Variants in RBFOX1 observed in about 807,000 individuals in gnomAD.
The protein encoded by RBFOX1 is RNA binding fox-1 homolog 1.
In RBFOX1, 8 loss-of-function variants were observed where a neutral mutation model predicts 57.7. The ratio of observed to expected loss-of-function variants is 0.14; its 90% CI spans 0.08 to 0.25. The LOEUF (loss-of-function observed/expected upper bound fraction) is 0.25. Among genes scored for constraint, RBFOX1 ranks in the 10% least tolerant of loss-of-function variants. RBFOX1 has a pLI of 1.00. For missense variants in RBFOX1, 611 were observed against 548.5 expected (o/e 1.11, Z -1.14); for synonymous variants, 326 against 222.4 (o/e 1.47, Z -4.15).
At chr16:7,377,012 C>T (rs902286102) in intron 4 of RBFOX1, among the ~76,000 whole-genome samples, 3 of 152,108 alleles carry the variant, frequency 2.0e-5, no homozygotes, top group African/African-American at 7.2e-5. Context: ...GCAGTGATTT[C>T]CATAGGTCCC....
rs536455531 is a variant in RBFOX1 at position 6,829,542 on chromosome 16, C to A, written c.-16+174892C>A. Among the ~76,000 whole-genome samples, 5 of 150,192 alleles carry A rather than the reference C, an allele frequency of 3.3e-5. No homozygotes were observed. In the South Asian group the frequency reaches 6.4e-4, roughly 19 times the overall value. On this transcript the variant is annotated intron_variant, in intron 3 of 15. Coordinates refer to ENST00000550418, the MANE Select transcript of RBFOX1 (RefSeq NM_018723.4). ...GTACTTAGTATGACAAAATAAGTACCATTAGTTAAACAAAAACAGGTATTT... is the reference window on the plus strand; with the variant it reads ...GTACTTAGTATGACAAAATAAGTACAATTAGTTAAACAAAAACAGGTATTT...
intron 1 of RBFOX1, among the ~76,000 whole-genome samples, chr16:5,323,898 A>T (rs1401118411): frequency 6.6e-6 from 1 of 152,226 alleles, no homozygotes. Flanking sequence ...ACAATGGGAA[A>T]TCCCTTAATT....
intron 4 of RBFOX1, among the ~76,000 whole-genome samples, chr16:7,280,945 TTCCCTACCTACC>T (rs1348520621): frequency 6.4e-4 from 84 of 130,286 alleles, no homozygotes; most frequent in African/African-American, 1.9e-3. Flanking sequence ...TTGCATGTGA[TTCCCTACCTACC>T]TCCCTCCCTC....
intron 3 of RBFOX1, among the ~76,000 whole-genome samples, chr16:5,864,369 A>T (rs1040983195): frequency 6.6e-6 from 1 of 152,214 alleles, no homozygotes; most frequent in Non-Finnish European, 1.5e-5. Context: ...ATCTTAAACA[A>T]TTCAGGAAAA....
At chr16:6,283,528 T>C (rs554248479) in intron 1 of RBFOX1, among the ~76,000 whole-genome samples, 1 of 152,264 alleles carries the variant, frequency 6.6e-6, no homozygotes, top group East Asian at 1.9e-4. Flanking sequence ...TCACGTAGTA[T>C]ACATAGGTAT....
Position 6,465,065 on chromosome 16 carries a change from A to G in RBFOX1, c.-64+148008A>G, listed in dbSNP as rs898122064. Among the ~76,000 whole-genome samples, 4 of 152,346 alleles carry G rather than the reference A, an allele frequency of 2.6e-5. No homozygotes were observed. In the South Asian group the frequency reaches 6.2e-4, roughly 24 times the overall value. ...ATCGTGAATTGTCCACACAGTATAT[A>G]TAAGCCCTGAAGCCCTGGACACAAA... On this transcript the variant is annotated intron_variant, in intron 2 of 15. Transcript: ENST00000550418.
chr16:7,005,568 C>T (rs1358231227), intron 3 of RBFOX1, among the ~76,000 whole-genome samples: 1 of 152,126 alleles, frequency 6.6e-6, no homozygotes, highest in Admixed American at 6.5e-5. Flanking sequence ...AAAAGCAGCT[C>T]CTGAAAGATC....
chr16:7,312,833 C>G (rs778522227), intron 4 of RBFOX1, among the ~76,000 whole-genome samples: 2 of 152,102 alleles, frequency 1.3e-5, no homozygotes. Flanking sequence ...GAAGTTTATT[C>G]CCATAAGCTT....
intron 1 of RBFOX1, among the ~76,000 whole-genome samples, chr16:6,148,843 G>A (rs1480450128): frequency 1.3e-5 from 2 of 152,148 alleles, no homozygotes; most frequent in Admixed American, 1.3e-4. Flanking sequence ...CTAATGTGGA[G>A]CAGTTTTAGA....
At chr16:6,666,869 C>T (rs928193582) in intron 3 of RBFOX1, among the ~76,000 whole-genome samples, 3 of 152,090 alleles carry the variant, frequency 2.0e-5, no homozygotes, top group Admixed American at 6.5e-5. Context: ...GGTATTATCT[C>T]GGGGTCCTCA....
At chr16:5,857,773 A>AG (rs2057109831) in intron 3 of RBFOX1, among the ~76,000 whole-genome samples, 1 of 151,746 alleles carries the variant, frequency 6.6e-6, no homozygotes, top group Non-Finnish European at 1.5e-5. Context: ...GAAAAAAAAA[A>AG]CAAAGAAAAG....
intron 3 of RBFOX1, among the ~76,000 whole-genome samples, chr16:6,660,780 A>G (rs1478084861): frequency 6.6e-6 from 1 of 152,104 alleles, no homozygotes; most frequent in East Asian, 1.9e-4. Context: ...TTTTGCTGGT[A>G]TCCACACCTA....
intron 3 of RBFOX1, among the ~76,000 whole-genome samples, chr16:5,859,358 A>G (rs1567636219): frequency 6.6e-6 from 1 of 152,214 alleles, no homozygotes. Context: ...ATCCATTCTC[A>G]ATCTCCAACT....
At chr16:5,996,256 A>G (rs1596367912) in intron 4 of RBFOX1, among the ~76,000 whole-genome samples, 1 of 152,222 alleles carries the variant, frequency 6.6e-6, no homozygotes, top group East Asian at 1.9e-4. Context: ...CAGCAGGGAG[A>G]ACTTTCTCTA....
chr16:7,670,560 A>C (rs1162316654), intron 13 of RBFOX1, among the ~76,000 whole-genome samples: 1 of 152,166 alleles, frequency 6.6e-6, no homozygotes, highest in Non-Finnish European at 1.5e-5. Context: ...CACTGAGAAT[A>C]ATATTTGTAC....
At chr16:6,812,524 A>T (rs1440027660) in intron 3 of RBFOX1, among the ~76,000 whole-genome samples, 1 of 151,900 alleles carries the variant, frequency 6.6e-6, no homozygotes, top group Non-Finnish European at 1.5e-5. Flanking sequence ...CAGGCACATG[A>T]CACCACGCCC....
intron 2 of RBFOX1, among the ~76,000 whole-genome samples, chr16:6,553,515 G>A (rs1410181231): frequency 6.6e-6 from 1 of 152,200 alleles, no homozygotes; most frequent in Non-Finnish European, 1.5e-5. Flanking sequence ...ACAAGTACAT[G>A]CACCTCAAAC....
At chr16:6,451,693 G>T (rs1254100743) in intron 2 of RBFOX1, among the ~76,000 whole-genome samples, 1 of 152,146 alleles carries the variant, frequency 6.6e-6, no homozygotes, top group Non-Finnish European at 1.5e-5. Flanking sequence ...CTTTACTGGG[G>T]CAGGTGTCCC....
intron 2 of RBFOX1, among the ~76,000 whole-genome samples, chr16:6,649,655 G>C (rs1286839366): frequency 6.6e-6 from 1 of 152,056 alleles, no homozygotes; most frequent in Non-Finnish European, 1.5e-5. Context: ...TTAGAATAAT[G>C]GTCTCCAGTT....
Sources: allele counts gnomAD v4.1 joint callset (sites outside exome capture counted in the v4.1 genomes callset), GRCh38; gene constraint gnomAD v4.1.1; transcripts MANE v1.5; gene names NCBI Gene and HGNC (gene_info 2026-07-23, HGNC 2026-07-21).